Variants in MIPOL1 observed in about 807,000 individuals in gnomAD.
MIPOL1 encodes mirror-image polydactyly gene 1 protein.
MIPOL1 carries 57 observed loss-of-function variants against 60.9 expected under a neutral mutation model. That is an observed-to-expected ratio of 0.94 (90% CI 0.76 to 1.17). The LOEUF (loss-of-function observed/expected upper bound fraction) is 1.17, where lower values mean the gene tolerates loss of function less well. MIPOL1 is among the 50% of genes most tolerant of loss of function. The pLI is 0.00. For synonymous variants in MIPOL1, 179 were observed against 168.8 expected (o/e 1.06, Z -0.47); for missense variants, 551 against 511.6 (o/e 1.08, Z -0.74).
At chr14:37,439,131 T>A (rs1456347480) in intron 11 of MIPOL1, among the ~76,000 whole-genome samples, 15 of 152,200 alleles carry the variant, frequency 9.9e-5, no homozygotes, top group Admixed American at 9.8e-4. Flanking sequence ...AGAAAAAATA[T>A]ATACTAAAAA....
At chr14:37,336,905 C>T (rs2090166154) in intron 9 of MIPOL1, among the ~76,000 whole-genome samples, 1 of 151,686 alleles carries the variant, frequency 6.6e-6, no homozygotes, top group Non-Finnish European at 1.5e-5. Context: ...GGACTACAGT[C>T]ACGCACCACC....
intron 10 of MIPOL1, among the ~76,000 whole-genome samples, chr14:37,411,583 C>T (rs748363103): frequency 6.6e-5 from 10 of 152,072 alleles, no homozygotes; most frequent in Admixed American, 1.3e-4. Flanking sequence ...TAAACTATGG[C>T]CTCTGGACCA....
chr14:37,423,035 A>G (rs112779479), intron 11 of MIPOL1, 86 bp downstream of exon 11: 7 of 783,476 alleles, frequency 8.9e-6, no homozygotes, highest in Non-Finnish European at 1.3e-5. Context: ...GAATGAGGAA[A>G]TACCTCAATG....
chr14:37,295,193 C>G (rs1455034181), intron 7 of MIPOL1, among the ~76,000 whole-genome samples: 1 of 152,152 alleles, frequency 6.6e-6, no homozygotes, highest in African/African-American at 2.4e-5. Context: ...AATTTCATAT[C>G]CAGCCAAACT....
At chr14:37,288,640 CA>C (rs898665687) in intron 7 of MIPOL1, among the ~76,000 whole-genome samples, 2 of 151,360 alleles carry the variant, frequency 1.3e-5, no homozygotes, top group Admixed American at 6.6e-5. Context: ...CCTGTTTCTA[CA>C]AAAAAAATTA....
intron 1 of MIPOL1, among the ~76,000 whole-genome samples, chr14:37,202,448 A>G (rs1237212003): frequency 1.3e-5 from 2 of 152,128 alleles, no homozygotes; most frequent in Non-Finnish European, 2.9e-5. Context: ...TTCCTGCTTT[A>G]TAAGTCCCAC....
At chr14:37,308,598 GC>G in intron 9 of MIPOL1, 79 bp downstream of exon 9, 1 of 1,066,074 alleles carries the variant, frequency 9.4e-7, no homozygotes, top group South Asian at 2.9e-5. Flanking sequence ...ACTGACTTTG[GC>G]CCAGATATTC....
chr14:37,494,746 A>G (rs946618303), intron 11 of MIPOL1, among the ~76,000 whole-genome samples: 2 of 152,234 alleles, frequency 1.3e-5, no homozygotes, highest in Admixed American at 1.3e-4. Context: ...GAGTTAACAT[A>G]TAGCATTTAT....
At chr14:37,476,315 T>C (rs957731017) in intron 11 of MIPOL1, among the ~76,000 whole-genome samples, 3 of 152,146 alleles carry the variant, frequency 2.0e-5, no homozygotes, top group Non-Finnish European at 4.4e-5. Flanking sequence ...GTTGATTGGA[T>C]GGTCTGGAAT....
chr14:37,328,397 A>G (rs186342408), intron 9 of MIPOL1, among the ~76,000 whole-genome samples: 2 of 152,292 alleles, frequency 1.3e-5, no homozygotes, highest in East Asian at 3.9e-4. Flanking sequence ...CTAATCATCC[A>G]AATCAGTCAA....
intron 11 of MIPOL1, among the ~76,000 whole-genome samples, chr14:37,427,487 A>G (rs1280084838): frequency 6.6e-6 from 1 of 152,172 alleles, no homozygotes; most frequent in Non-Finnish European, 1.5e-5. Context: ...TGTGGAAATG[A>G]ATAATGGTGA....
At chr14:37,450,545 A>G (rs1481828858) in intron 11 of MIPOL1, among the ~76,000 whole-genome samples, 2 of 151,838 alleles carry the variant, frequency 1.3e-5, no homozygotes, top group Non-Finnish European at 2.9e-5. Flanking sequence ...TCATTTTTGT[A>G]TTCTGAAATC....
intron 7 of MIPOL1, among the ~76,000 whole-genome samples, chr14:37,296,021 A>G (rs1165814417): frequency 1.3e-5 from 2 of 152,130 alleles, no homozygotes; most frequent in African/African-American, 2.4e-5. Context: ...GCACCACACC[A>G]CACCTATTCC....
chr14:37,209,196 A>T (rs970253658), intron 1 of MIPOL1, among the ~76,000 whole-genome samples: 20 of 152,036 alleles, frequency 1.3e-4, no homozygotes, highest in Admixed American at 6.6e-5. Context: ...TTCTATTTTG[A>T]TATAGCTATG....
intron 10 of MIPOL1, among the ~76,000 whole-genome samples, chr14:37,371,851 T>G (rs1444256129): frequency 2.0e-5 from 3 of 152,148 alleles, no homozygotes; most frequent in African/African-American, 4.8e-5. Context: ...CTATGTACCT[T>G]TAAGTTGTCA....
chr14:37,541,192 G>T (rs2095528242), intron 12 of MIPOL1, among the ~76,000 whole-genome samples: 1 of 152,138 alleles, frequency 6.6e-6, no homozygotes, highest in Non-Finnish European at 1.5e-5. Flanking sequence ...TTGCTTCTCT[G>T]ACAGAGATCA....
At chr14:37,430,501 GT>G (rs200586099) in intron 11 of MIPOL1, among the ~76,000 whole-genome samples, 75 of 45,002 alleles carry the variant, frequency 1.7e-3, no homozygotes, top group Middle Eastern at 0.021. Flanking sequence ...AATTAAAATA[GT>G]TTTTTTTTTT....
intron 11 of MIPOL1, among the ~76,000 whole-genome samples, chr14:37,452,493 T>C (rs2094434317): frequency 6.6e-6 from 1 of 152,184 alleles, no homozygotes; most frequent in South Asian, 2.1e-4. Context: ...CTGAATAATA[T>C]AGGTCATGAG....
chr14:37,410,464 A>T (rs1272974786), intron 10 of MIPOL1, among the ~76,000 whole-genome samples: 1 of 152,168 alleles, frequency 6.6e-6, no homozygotes, highest in African/African-American at 2.4e-5. Context: ...CAGACAACTA[A>T]AAACTGAATT....
Sources: gnomAD v4.1 joint callset for allele counts (sites outside exome capture counted in the v4.1 genomes callset) on GRCh38, gnomAD v4.1.1 for gene constraint, MANE v1.5 for transcripts, NCBI Gene and HGNC (gene_info 2026-07-23, HGNC 2026-07-21) for gene names.